Variants in KIF4B observed in about 807,000 individuals in gnomAD.
KIF4B encodes the protein kinesin family member 4B, also known as chromosome-associated kinesin KIF4B.
Under a neutral mutation model 69.0 loss-of-function variants are expected in KIF4B, and 60 were observed. The observed-to-expected ratio is 0.87, with a 90% CI of 0.71 to 1.08. KIF4B has a LOEUF of 1.08. Among genes scored for constraint, KIF4B ranks in the 50% least tolerant of loss-of-function variants. KIF4B has a pLI of 0.00. For missense variants in KIF4B, 1,357 were observed against 1,451.9 expected (o/e 0.93, Z 1.06); for synonymous variants, 489 against 533.0 (o/e 0.92, Z 1.14).
Position 155,015,181 on chromosome 5 carries a change from TGGC to T in KIF4B, c.1323_1325del (p.Ala442del). 1 of 1,614,238 alleles carries T rather than the reference TGGC, an allele frequency of 6.2e-7. No individual in the cohort carries two copies. The highest frequency in any genetic ancestry group is 8.5e-7 in the Non-Finnish European group (1 of 1,180,044). ...AAGCTAGAAGAGCTCAGGCAGCATG[TGGC>T]CTGCAAGCTGGATCTTCAAAAGCTA... On this transcript the variant is annotated inframe_deletion, in exon 1 of 1. Transcript: ENST00000435029.
chr5:155,017,462 A>G lies in KIF4B; in HGVS notation c.3603A>G (p.Glu1201=). ...DLPESKHGAT[E]YQQNKPPGKK... ...CAGAGTCGAAACATGGAGCAACAGA[A>G]TACCAACAAAATAAGCCTCCAGGGA... is the stretch of plus-strand genomic sequence containing the variant. Residue 1201 remains glutamate, a synonymous_variant, in exon 1 of 1, where the codon GAA becomes GAG. Coordinates refer to ENST00000435029, the MANE Select transcript of KIF4B (RefSeq NM_001099293.3). 1 of 1,614,144 alleles carries G rather than the reference A, an allele frequency of 6.2e-7. No individual in the cohort carries two copies. Among genetic ancestry groups the G allele is most frequent in the East Asian group, 2.2e-5 (1 of 44,878 alleles).
chr5:155,014,514 T>G lies in KIF4B; in HGVS notation c.655T>G (p.Ser219Ala). The change falls in exon 1 of 1, where the codon TCC becomes GCC. Residue 219 changes from serine to alanine, a missense_variant. Coordinates refer to ENST00000435029, the MANE Select transcript of KIF4B (RefSeq NM_001099293.3). The stretch of plus-strand genomic sequence containing the variant: ...CCGATCTCATGCCATCTTTACAATC[T>G]CCATAGAGCAAAGAAAGAAAAGTGA... The part of the protein sequence containing the change: ...SSRSHAIFTI[S>A]IEQRKKSDKN... 2.5e-6 allele frequency: 4 copies of G among 1,613,958 alleles called. No homozygotes were observed. Among genetic ancestry groups the G allele is most frequent in the Non-Finnish European group, 3.4e-6 (4 of 1,179,954 alleles).
chr5:155,016,691 A>C lies in KIF4B; in HGVS notation c.2832A>C (p.Ala944=). Residue 944 remains alanine (A), a synonymous_variant, in exon 1 of 1, where the codon GCA becomes GCC. Transcript: ENST00000435029. The part of the protein sequence containing the change: ...LVSQLQESQM[A]EKQLEKSASE... ...GCCAGCTGCAGGAAAGCCAAATGGCAGAGAAGCAGTTAGAGAAATCAGCCA... is the reference window on the plus strand; with the variant it reads ...GCCAGCTGCAGGAAAGCCAAATGGCCGAGAAGCAGTTAGAGAAATCAGCCA... 1 of 1,614,262 alleles carries C rather than the reference A, an allele frequency of 6.2e-7. No individual in the cohort carries two copies. Among genetic ancestry groups the C allele is most frequent in the Non-Finnish European group, 8.5e-7 (1 of 1,180,044 alleles).
chr5:155,014,107 C>T lies in KIF4B; in HGVS notation c.248C>T (p.Thr83Met), dbSNP rs577708925. The T allele has an allele frequency of 1.3e-5, 21 of 1,614,212 alleles. No individual in the cohort carries two copies. In the South Asian group the frequency reaches 2.0e-4, roughly 15 times the overall value. ...GGCATATTTAAAGGATATAATGCAA[C>T]GGTCCTGGCCTATGGGCAGACTGGC... is the stretch of plus-strand genomic sequence containing the variant. ...IKGIFKGYNA[T>M]VLAYGQTGSG... Residue 83 changes from threonine to methionine, a missense_variant, in exon 1 of 1, where the codon ACG (threonine) becomes ATG (methionine). By Grantham distance (81) the Thr-to-Met change is moderately conservative. Coordinates refer to ENST00000435029, the MANE Select transcript of KIF4B (RefSeq NM_001099293.3).
chr5:155,016,332 A>G lies in KIF4B; in HGVS notation c.2473A>G (p.Thr825Ala). Residue 825 changes from threonine (T) to alanine (A), a missense_variant, in exon 1 of 1, where the codon ACT becomes GCT. Thr to Ala is a moderately conservative substitution (Grantham distance 58). Transcript: ENST00000435029. Reference protein sequence around the residue: ...CITKQIESLETEMELRSAQIA... With the variant: ...CITKQIESLEAEMELRSAQIA... ...TACAAAACAGATTGAAAGCCTAGAG[A>G]CTGAAATGGAACTCAGGAGTGCTCA... The G allele has an allele frequency of 1.2e-6, 2 of 1,614,200 alleles. No individual in the cohort carries two copies. The highest frequency in any genetic ancestry group is 1.7e-6 in the Non-Finnish European group (2 of 1,180,036).
Position 155,014,279 on chromosome 5 carries a change from C to T in KIF4B, c.420C>T (p.Tyr140=), listed in dbSNP as rs766025923. ...TTGAATTTACTCTGAAAGTGTCTTA[C>T]TTAGAGATTTACAATGAAGAAATTT... ...SDFEFTLKVS[Y]LEIYNEEILD... Residue 140 remains tyrosine, a synonymous_variant, in exon 1 of 1, where the codon TAC becomes TAT. Transcript: ENST00000435029. The T allele has an allele frequency of 1.8e-5, 29 of 1,614,034 alleles. No homozygotes were observed. The African/African-American group carries it at 3.7e-4, about 21-fold the overall frequency.
Position 155,013,879 on chromosome 5 carries a change from G to T in KIF4B, c.20G>T (p.Gly7Val), listed in dbSNP as rs1324491219. The change falls in exon 1 of 1, where the codon GGA becomes GTA. Residue 7 changes from glycine (G) to valine (V), a missense_variant. Gly to Val is a moderately radical substitution (Grantham distance 109). Coordinates refer to ENST00000435029, the MANE Select transcript of KIF4B (RefSeq NM_001099293.3). MKEEVK[G>V]IPVRVALRCR... Reference sequence around the variant, plus strand: ...AGGATCATGAAGGAAGAGGTGAAGGGAATTCCTGTAAGAGTGGCACTGCGT... The same window carrying T: ...AGGATCATGAAGGAAGAGGTGAAGGTAATTCCTGTAAGAGTGGCACTGCGT... 6.2e-7 allele frequency: 1 copy of T among 1,613,546 alleles called. No individual in the cohort carries two copies. Among genetic ancestry groups the T allele is most frequent in the Admixed American group, 1.7e-5 (1 of 60,022 alleles).
chr5:155,017,039 T>C lies in KIF4B; in HGVS notation c.3180T>C (p.Gly1060=). Residue 1060 remains glycine (G), a synonymous_variant, in exon 1 of 1, where the codon GGT becomes GGC. Coordinates refer to ENST00000435029, the MANE Select transcript of KIF4B (RefSeq NM_001099293.3). ...TGAATGAGCATGAAGATGGTGATGG[T>C]GATGGCGACAGTGATGAGGGGGATG... ...HSVNEHEDGD[G]DGDSDEGDDE... The C allele has an allele frequency of 1.2e-6, 2 of 1,614,194 alleles. No homozygotes were observed. The highest frequency in any genetic ancestry group is 8.5e-7 in the Non-Finnish European group (1 of 1,180,038).
At position 155,014,281 on chromosome 5, in the gene KIF4B, T is replaced by C; in HGVS notation, c.422T>C (p.Leu141Ser). 6.2e-7 allele frequency: 1 copy of C among 1,614,224 alleles called. No homozygotes were observed. The highest frequency in any genetic ancestry group is 8.5e-7 in the Non-Finnish European group (1 of 1,180,050). The change falls in exon 1 of 1, where the codon TTA becomes TCA. Residue 141 changes from leucine to serine, a missense_variant. Transcript: ENST00000435029. ...GAATTTACTCTGAAAGTGTCTTACT[T>C]AGAGATTTACAATGAAGAAATTTTG... is the stretch of plus-strand genomic sequence containing the variant. ...DFEFTLKVSY[L>S]EIYNEEILDL...
chr5:155,014,526 A>G lies in KIF4B; in HGVS notation c.667A>G (p.Arg223Gly). The change falls in exon 1 of 1, where the codon AGA becomes GGA. Residue 223 changes from arginine (R) to glycine (G), a missense_variant. By Grantham distance (125) the Arg-to-Gly change is moderately radical. Coordinates refer to ENST00000435029, the MANE Select transcript of KIF4B (RefSeq NM_001099293.3). ...CATCTTTACAATCTCCATAGAGCAAAGAAAGAAAAGTGACAAGAATTGCAG... is the reference window on the plus strand; with the variant it reads ...CATCTTTACAATCTCCATAGAGCAAGGAAAGAAAAGTGACAAGAATTGCAG... ...HAIFTISIEQ[R>G]KKSDKNCSFR... is the part of the protein sequence containing the mutation. 1 of 1,614,098 alleles carries G rather than the reference A, an allele frequency of 6.2e-7. No homozygotes were observed. Among genetic ancestry groups the G allele is most frequent in the Non-Finnish European group, 8.5e-7 (1 of 1,179,964 alleles).
chr5:155,015,449 T>TA lies in KIF4B; in HGVS notation c.1592dup (p.Asn531LysfsTer11), dbSNP rs1430254288. On this transcript the variant is annotated frameshift_variant, in exon 1 of 1. Transcript: ENST00000435029. LOFTEE classifies it high-confidence loss of function. ...TGTCTAAGGAGGTGGTTGAGTTGAA[T>TA]AACGCCCTTGCACTGAAAGAGGCCC... is the stretch of plus-strand genomic sequence containing the variant. The TA allele has an allele frequency of 1.2e-6, 2 of 1,613,994 alleles. No individual in the cohort carries two copies. The highest frequency in any genetic ancestry group is 2.7e-5 in the African/African-American group (2 of 74,882).
In KIF4B at chr5:155,014,622, G is replaced by T. The variant is rs559843032; in HGVS notation, c.763G>T (p.Asp255Tyr). The T allele has an allele frequency of 2.5e-4, 400 of 1,614,174 alleles. 6 individuals are homozygous for T. In the South Asian group the frequency reaches 4.2e-3, roughly 17 times the overall value. ...ACAGAAGAAAACCAAGGCTGAAGGG[G>T]ATCGTCTAAAAGAGGGTATTAATAT... The part of the protein sequence containing the change: ...ERQKKTKAEG[D>Y]RLKEGININR... The change falls in exon 1 of 1, where the codon GAT becomes TAT. Residue 255 changes from aspartate to tyrosine, a missense_variant. Asp to Tyr is a radical substitution (Grantham distance 160). Coordinates refer to ENST00000435029, the MANE Select transcript of KIF4B (RefSeq NM_001099293.3).
chr5:155,017,111 C>A lies in KIF4B; in HGVS notation c.3252C>A (p.Asn1084Lys). ...AATTAGTCAAGGTGTCCAGGAAGAA[C>A]ATCCAAGGGTGTTCCTGCAAGGGCT... ...PTKLVKVSRK[N>K]IQGCSCKGWC... is the part of the protein sequence containing the mutation. The change falls in exon 1 of 1, where the codon AAC becomes AAA. Residue 1084 changes from asparagine to lysine, a missense_variant. Physicochemically the swap from Asn to Lys is moderately conservative, Grantham distance 94. Transcript: ENST00000435029. 6.2e-7 allele frequency: 1 copy of A among 1,614,132 alleles called. No homozygotes were observed. Among genetic ancestry groups the A allele is most frequent in the Non-Finnish European group, 8.5e-7 (1 of 1,180,022 alleles).
chr5:155,015,330 G>A lies in KIF4B; in HGVS notation c.1471G>A (p.Ala491Thr). The A allele has an allele frequency of 6.2e-7, 1 of 1,614,168 alleles. No homozygotes were observed. Among genetic ancestry groups the A allele is most frequent in the Admixed American group, 1.7e-5 (1 of 60,028 alleles). ...TTGCACGGCTGCAGCCATTGATACT[G>A]CGGTAGAAGAAGAAGCTCAAGTGGA... ...VACTAAAIDT[A>T]VEEEAQVETS... Residue 491 changes from alanine to threonine, a missense_variant, in exon 1 of 1, where the codon GCG becomes ACG. Physicochemically the swap from Ala to Thr is moderately conservative, Grantham distance 58 (BLOSUM62 0). Transcript: ENST00000435029.
rs776859853 is a variant in KIF4B, at chr5:155,015,184, C to T, written c.1325C>T (p.Ala442Val). ...CTAGAAGAGCTCAGGCAGCATGTGG[C>T]CTGCAAGCTGGATCTTCAAAAGCTA... ...AKLEELRQHV[A>V]CKLDLQKLVE... The change falls in exon 1 of 1, where the codon GCC (alanine) becomes GTC (valine). Residue 442 changes from alanine to valine, a missense_variant. Physicochemically the swap from Ala to Val is moderately conservative, Grantham distance 64. Coordinates refer to ENST00000435029, the MANE Select transcript of KIF4B (RefSeq NM_001099293.3). 6 of 1,614,160 alleles carry T rather than the reference C, an allele frequency of 3.7e-6. No individual in the cohort carries two copies. In the South Asian group the frequency reaches 6.6e-5, roughly 18 times the overall value.
rs758316264 is a variant in KIF4B, at chr5:155,015,841, T to G, written c.1982T>G (p.Phe661Cys). The change falls in exon 1 of 1, where the codon TTT (phenylalanine) becomes TGT (cysteine). Residue 661 changes from phenylalanine to cysteine, a missense_variant. Phe to Cys is a radical substitution (Grantham distance 205, BLOSUM62 -2). Transcript: ENST00000435029. ...MRQMKEDAEK[F>C]RQWKQKKDKE... Reference sequence around the variant, plus strand: ...CAAATGAAAGAGGATGCTGAGAAGTTTAGACAATGGAAGCAGAAAAAAGAC... The same window carrying G: ...CAAATGAAAGAGGATGCTGAGAAGTGTAGACAATGGAAGCAGAAAAAAGAC... 6.2e-7 allele frequency: 1 copy of G among 1,614,018 alleles called. No homozygotes were observed. Among genetic ancestry groups the G allele is most frequent in the East Asian group, 2.2e-5 (1 of 44,880 alleles).
rs754060267 is a variant in KIF4B, at chr5:155,013,926, G to A, written c.67G>A (p.Glu23Lys). The A allele has an allele frequency of 5.0e-6, 8 of 1,614,252 alleles. No homozygotes were observed. Among genetic ancestry groups the A allele is most frequent in the Non-Finnish European group, 6.8e-6 (8 of 1,180,050 alleles). The change falls in exon 1 of 1, where the codon GAG (glutamate) becomes AAG (lysine). Residue 23 changes from glutamate to lysine, a missense_variant. Transcript: ENST00000435029. The stretch of plus-strand genomic sequence containing the variant: ...GCGTTGTCGCCCTCTGGTCCCCAAA[G>A]AGATTAGCGAGGGCTGCCAGATGTG... Reference protein sequence around the residue: ...ALRCRPLVPKEISEGCQMCLS... With the variant: ...ALRCRPLVPKKISEGCQMCLS...
rs1765301784 is a variant in KIF4B, at chr5:155,015,145, A to C, written c.1286A>C (p.Lys429Thr). 2.5e-6 allele frequency: 4 copies of C among 1,614,192 alleles called. No individual in the cohort carries two copies. Among genetic ancestry groups the C allele is most frequent in the Non-Finnish European group, 3.4e-6 (4 of 1,180,032 alleles). ...ATTTTGACAGAGCAAGTGAATGAAAAACTGAACGCCAAGCTAGAAGAGCTC... is the reference window on the plus strand; with the variant it reads ...ATTTTGACAGAGCAAGTGAATGAAACACTGAACGCCAAGCTAGAAGAGCTC... Reference protein sequence around the residue: ...RIILTEQVNEKLNAKLEELRQ... With the variant: ...RIILTEQVNETLNAKLEELRQ... The change falls in exon 1 of 1, where the codon AAA becomes ACA. Residue 429 changes from lysine to threonine, a missense_variant. Lys to Thr is a moderately conservative substitution (Grantham distance 78, BLOSUM62 -1). Coordinates refer to ENST00000435029, the MANE Select transcript of KIF4B (RefSeq NM_001099293.3).
At position 155,014,083 on chromosome 5, in the gene KIF4B, G is replaced by C. The variant is rs756941906; in HGVS notation, c.224G>C (p.Gly75Ala). ...FNKAVAPLIK[G>A]IFKGYNATVL... ...AAAGCAGTAGCGCCGCTCATAAAAG[G>C]CATATTTAAAGGATATAATGCAACG... is the stretch of plus-strand genomic sequence containing the variant. The change falls in exon 1 of 1, where the codon GGC becomes GCC. Residue 75 changes from glycine (G) to alanine (A), a missense_variant. Physicochemically the swap from Gly to Ala is moderately conservative, Grantham distance 60. Transcript: ENST00000435029. The C allele has an allele frequency of 6.2e-7, 1 of 1,614,202 alleles. No individual in the cohort carries two copies. The highest frequency in any genetic ancestry group is 8.5e-7 in the Non-Finnish European group (1 of 1,180,034).
Sources: allele counts gnomAD v4.1 joint callset, GRCh38; gene constraint gnomAD v4.1.1; transcripts MANE v1.5; gene names NCBI Gene and HGNC (gene_info 2026-07-23, HGNC 2026-07-21).